Variants in CERS6 observed in about 807,000 individuals in gnomAD.
CERS6 encodes the protein ceramide synthase 6, also known as LAG1 homolog, ceramide synthase 6.
CERS6 carries 26 observed loss-of-function variants against 56.8 expected under a neutral mutation model. The ratio of observed to expected loss-of-function variants is 0.46; its 90% CI spans 0.34 to 0.63. CERS6 has a LOEUF of 0.63. Ranked by LOEUF, CERS6 falls within the 30% of genes least tolerant of loss-of-function variation. The pLI, the probability that CERS6 is intolerant of heterozygous loss-of-function variation, is 0.01. For missense variants in CERS6, 415 were observed against 467.5 expected, an observed-to-expected ratio of 0.89 and a Z score of 1.04; for synonymous variants, 164 against 173.3, an observed-to-expected ratio of 0.95 and a Z score of 0.42.
At chr2:168,477,179 G>A (rs1477147454) in intron 1 of CERS6, among the ~76,000 whole-genome samples, 7 of 65,842 alleles carry the variant, frequency 1.1e-4, no homozygotes, top group African/African-American at 5.9e-4. Context: ...GAGACAGAGA[G>A]AGAGAGAGAG....
At chr2:168,653,641 A>T (rs1348078285) in intron 4 of CERS6, among the ~76,000 whole-genome samples, 1 of 152,100 alleles carries the variant, frequency 6.6e-6, no homozygotes, top group Non-Finnish European at 1.5e-5. Context: ...TTAAATCTCC[A>T]TTTCTATTAT....
chr2:168,708,056 T>C (rs774705085), intron 6 of CERS6, among the ~76,000 whole-genome samples: 19 of 152,140 alleles, frequency 1.2e-4, no homozygotes, highest in Non-Finnish European at 1.3e-4. Flanking sequence ...TTGGTTTTCT[T>C]TGTTTAAGAG....
intron 6 of CERS6, among the ~76,000 whole-genome samples, chr2:168,713,299 T>C (rs1687140310): frequency 1.3e-5 from 2 of 152,212 alleles, no homozygotes; most frequent in Non-Finnish European, 2.9e-5. Context: ...TTTCATTTTC[T>C]TGCTGTCTCC....
At chr2:168,759,593 G>C (rs1452819780) in intron 8 of CERS6, among the ~76,000 whole-genome samples, 2 of 152,078 alleles carry the variant, frequency 1.3e-5, no homozygotes, top group Non-Finnish European at 2.9e-5. Context: ...GCTTAGCCTT[G>C]GTGGGTGATT....
chr2:168,703,383 C>G lies in CERS6; in HGVS notation c.609+8332C>G, dbSNP rs539953490. On this transcript the variant is annotated intron_variant, in intron 6 of 9. Coordinates refer to ENST00000305747, the MANE Select transcript of CERS6 (RefSeq NM_203463.3). Reference sequence around the variant, plus strand: ...ACCAGCCTGGCCAACATGGTGAAACCCCATCTCTACTAAAAGTACAAAAAA... The same window carrying G: ...ACCAGCCTGGCCAACATGGTGAAACGCCATCTCTACTAAAAGTACAAAAAA... Among the ~76,000 whole-genome samples the G allele has an allele frequency of 1.7e-3, 264 of 152,180 alleles. 2 individuals carry two copies. Among genetic ancestry groups the G allele is most frequent in the African/African-American group, 6.0e-3 (251 of 41,512 alleles).
chr2:168,471,218 G>A (rs1693971922), intron 1 of CERS6, among the ~76,000 whole-genome samples: 1 of 152,094 alleles, frequency 6.6e-6, no homozygotes, highest in Admixed American at 6.6e-5. Context: ...AAAATGTCCT[G>A]GGTAAAAGGA....
chr2:168,458,379 G>T (rs1693715193), intron 1 of CERS6, among the ~76,000 whole-genome samples: 2 of 152,152 alleles, frequency 1.3e-5, no homozygotes, highest in Admixed American at 1.3e-4. Flanking sequence ...TGTTCACTGT[G>T]TTTAAAAAAA....
chr2:168,764,563 G>A (rs961785332), intron 8 of CERS6, among the ~76,000 whole-genome samples: 2 of 151,886 alleles, frequency 1.3e-5, no homozygotes, highest in African/African-American at 4.8e-5. Flanking sequence ...CAAAATTAAG[G>A]ACCCTCTAAT....
At chr2:168,600,439 A>C (rs6743089) in intron 3 of CERS6, among the ~76,000 whole-genome samples, 151,429 of 152,270 alleles carry the variant, frequency 0.99, 75,300 homozygotes, top group East Asian at 1. Flanking sequence ...CTCCTGACCT[A>C]ATGATCTGCC....
rs1269233766 is a variant in CERS6, at chr2:168,456,691, G to A, written c.170+73G>A. ...GCGCGCACACACTCGCGCGCTCTCTGGCGCACGCCCCCGCGCCCCCAACGC... is the reference window on the plus strand; with the variant it reads ...GCGCGCACACACTCGCGCGCTCTCTAGCGCACGCCCCCGCGCCCCCAACGC... On this transcript the variant is annotated intron_variant, in intron 1 of 9. Coordinates refer to ENST00000305747, the MANE Select transcript of CERS6 (RefSeq NM_203463.3). This position sits in a 1 kb window ranked among gnomAD's most constrained non-coding sequence, Gnocchi z 4.1. The A allele has an allele frequency of 5.5e-6, 8 of 1,459,094 alleles. No individual in the cohort carries two copies. Among genetic ancestry groups the A allele is most frequent in the Non-Finnish European group, 6.6e-6 (7 of 1,066,806 alleles). The allele number at this position is 1,459,094 out of a possible 1,614,324, so 90.4% of individuals were successfully genotyped here.
intron 8 of CERS6, among the ~76,000 whole-genome samples, chr2:168,760,498 T>A (rs1684543040): frequency 6.6e-6 from 1 of 152,192 alleles, no homozygotes; most frequent in Admixed American, 6.5e-5. Flanking sequence ...AGACCCAGGA[T>A]AAATACTTTG....
intron 8 of CERS6, among the ~76,000 whole-genome samples, chr2:168,719,578 T>C (rs73969937): frequency 0.058 from 8,890 of 152,290 alleles, 510 homozygotes; most frequent in East Asian, 0.15. Flanking sequence ...TTTCTTTGGA[T>C]TCACCAACAA....
chr2:168,471,046 C>G (rs1169066876), intron 1 of CERS6, among the ~76,000 whole-genome samples: 5 of 152,170 alleles, frequency 3.3e-5, no homozygotes, highest in African/African-American at 1.2e-4. Flanking sequence ...CTGCCCCAGG[C>G]TGTCCACACC....
intron 4 of CERS6, among the ~76,000 whole-genome samples, chr2:168,640,939 C>A (rs1347923162): frequency 1.3e-5 from 2 of 152,232 alleles, no homozygotes; most frequent in Non-Finnish European, 2.9e-5. Context: ...TATTCTCTTT[C>A]CATCTTCCTC....
Position 168,761,748 on chromosome 2 carries a change from A to C in CERS6, c.846-3844A>C, listed in dbSNP as rs144911986. On this transcript the variant is annotated intron_variant, in intron 8 of 9. Coordinates refer to ENST00000305747, the MANE Select transcript of CERS6 (RefSeq NM_203463.3). ...GGTGTGTGAGTCCTCCCACACCACC[A>C]CAGAGTTGAGCCTTGTTGTCCCCCT... is the stretch of plus-strand genomic sequence containing the variant. Among the ~76,000 whole-genome samples the C allele has an allele frequency of 6.0e-4, 92 of 152,248 alleles. 2 individuals are homozygous for C. The East Asian group carries it at 0.017, about 28-fold the overall frequency.
In CERS6 at chr2:168,470,072, C is replaced by T. The variant is rs554510217; in HGVS notation, c.170+13454C>T. Among the ~76,000 whole-genome samples the T allele has an allele frequency of 2.0e-5, 3 of 152,156 alleles. No homozygotes were observed. The South Asian group carries it at 6.2e-4, about 32-fold the overall frequency. On this transcript the variant is annotated intron_variant, in intron 1 of 9. Transcript: ENST00000305747. ...AAAATTGAAACAGCTGGTCACTCTA[C>T]CTGACTGCTCAGCCTATTAAACCCA...
chr2:168,457,009 C>A (rs1297998571), intron 1 of CERS6, among the ~76,000 whole-genome samples: 1 of 152,214 alleles, frequency 6.6e-6, no homozygotes, highest in Non-Finnish European at 1.5e-5. Context: ...CAGGGCTTCC[C>A]GCCGGGGCCC....
chr2:168,644,170 T>C, intron 4 of CERS6: 1 of 959,608 alleles, frequency 1.0e-6, no homozygotes, highest in South Asian at 4.9e-5. Context: ...GCTGTAGTGA[T>C]GATGAAAATA....
intron 8 of CERS6, among the ~76,000 whole-genome samples, chr2:168,722,967 AC>A (rs1013907502): frequency 2.0e-5 from 3 of 152,108 alleles, no homozygotes; most frequent in African/African-American, 7.2e-5. Context: ...GACATGGCTT[AC>A]CCCAGAAAGT....
Sources: gnomAD v4.1 joint callset for allele counts (sites outside exome capture counted in the v4.1 genomes callset) on GRCh38, gnomAD v4.1.1 for gene constraint, Gnocchi (gnomAD v3.1) non-coding constraint, MANE v1.5 for transcripts, NCBI Gene and HGNC (gene_info 2026-07-23, HGNC 2026-07-21) for gene names.